The following SYTL5 variants were observed in gnomAD, a reference collection of about 807,000 sequenced individuals.
SYTL5 encodes the protein synaptotagmin like 5.
Under a neutral mutation model 55.9 loss-of-function variants are expected in SYTL5, and 34 were observed. The ratio of observed to expected loss-of-function variants is 0.61; its 90% CI spans 0.46 to 0.81. The LOEUF (loss-of-function observed/expected upper bound fraction) is 0.81, where lower values mean the gene tolerates loss of function less well. Among genes scored for constraint, SYTL5 ranks in the 30% least tolerant of loss-of-function variants. The pLI, the probability that SYTL5 is intolerant of heterozygous loss-of-function variation, is 0.00. For missense variants in SYTL5, 637 were observed against 546.7 expected, an observed-to-expected ratio of 1.17 and a Z score of -1.65; for synonymous variants, 221 against 188.7, an observed-to-expected ratio of 1.17 and a Z score of -1.40.
the SYTL5 span, among the ~76,000 whole-genome samples, chrX:37,997,433 C>T: frequency 8.9e-6 from 1 of 112,450 alleles, no homozygotes; most frequent in African/African-American, 3.2e-5. Context: ...GCATCCCTAC[C>T]CTCTTGGAAA....
intron 2 of SYTL5, among the ~76,000 whole-genome samples, chrX:38,044,862 A>G (rs1301145960): frequency 8.9e-6 from 1 of 111,944 alleles, no homozygotes; most frequent in Non-Finnish European, 1.9e-5. Flanking sequence ...TTATTTTAAG[A>G]TAGTTCCATG....
intron 2 of SYTL5, 134 bp from the exon 3 acceptor site, chrX:38,054,079 C>T (rs753656939): frequency 5.9e-5 from 28 of 471,766 alleles, no homozygotes; most frequent in Non-Finnish European, 1.0e-4. Flanking sequence ...AGTGAGATTG[C>T]ATGGTGGTCC....
intron 8 of SYTL5, among the ~76,000 whole-genome samples, 167 bp from the exon 9 acceptor site, chrX:38,095,967 A>G (rs749860938): frequency 8.9e-6 from 1 of 111,836 alleles, no homozygotes; most frequent in East Asian, 2.8e-4. Flanking sequence ...GAAGTATGTT[A>G]TCATAAACAG....
the SYTL5 span, among the ~76,000 whole-genome samples, chrX:37,918,636 G>A: frequency 2.7e-5 from 3 of 111,720 alleles, no homozygotes; most frequent in Admixed American, 2.9e-4. Context: ...TCTGGGAGAG[G>A]CAGAGAACGT....
At chrX:38,031,912 T>C (rs1044275321) in intron 1 of SYTL5, among the ~76,000 whole-genome samples, 2 of 112,355 alleles carry the variant, frequency 1.8e-5, no homozygotes, top group African/African-American at 6.5e-5. Flanking sequence ...CCAGAGAATA[T>C]GCACTAACCT....
intron 6 of SYTL5, among the ~76,000 whole-genome samples, chrX:38,077,638 G>T (rs752774974): frequency 1.7e-4 from 18 of 109,064 alleles, no homozygotes; most frequent in Non-Finnish European, 5.7e-5. Flanking sequence ...GCATGCAAGC[G>T]TTACTTTATG....
intron 6 of SYTL5, among the ~76,000 whole-genome samples, chrX:38,079,593 C>A (rs1254053897): frequency 8.9e-6 from 1 of 112,362 alleles, no homozygotes; most frequent in Non-Finnish European, 1.9e-5. Context: ...TTAAGTCATG[C>A]TCTCCCAGAA....
chrX:38,120,518 T>C (rs1438666761), intron 14 of SYTL5, 52 bp downstream of exon 14: 1 of 928,046 alleles, frequency 1.1e-6, no homozygotes, highest in Non-Finnish European at 1.6e-6. Flanking sequence ...TCTAGAAGTG[T>C]GGTAGTGGGA....
At chrX:38,065,761 T>C (rs1015915128) in intron 3 of SYTL5, among the ~76,000 whole-genome samples, 3 of 111,944 alleles carry the variant, frequency 2.7e-5, no homozygotes, top group Non-Finnish European at 5.6e-5. Flanking sequence ...CTCTGTATTC[T>C]TAGCCTTAGC....
At chrX:37,974,539 G>C in the SYTL5 span, among the ~76,000 whole-genome samples, 1 of 111,732 alleles carries the variant, frequency 8.9e-6, no homozygotes, top group Non-Finnish European at 1.9e-5. Context: ...TGTACTAAAG[G>C]CCACAGAATT....
At chrX:37,920,495 T>A in the SYTL5 span, among the ~76,000 whole-genome samples, 2 of 110,675 alleles carry the variant, frequency 1.8e-5, no homozygotes, top group Non-Finnish European at 3.8e-5. Context: ...TCATATACAT[T>A]TCTATATTTT....
At chrX:37,952,612 T>A in the SYTL5 span, among the ~76,000 whole-genome samples, 2 of 110,878 alleles carry the variant, frequency 1.8e-5, no homozygotes, top group African/African-American at 6.6e-5. Flanking sequence ...GAGAGGACAC[T>A]AAGAGGATGG....
intron 2 of SYTL5, among the ~76,000 whole-genome samples, 173 bp from the exon 3 acceptor site, chrX:38,054,040 C>T (rs1935698459): frequency 8.9e-6 from 1 of 111,996 alleles, no homozygotes; most frequent in Non-Finnish European, 1.9e-5. Context: ...AAACTAGCGA[C>T]ACCAAATAGG....
chrX:38,018,886 G>A (rs1934448277), intron 1 of SYTL5, among the ~76,000 whole-genome samples: 2 of 111,659 alleles, frequency 1.8e-5, no homozygotes, highest in South Asian at 7.6e-4. Context: ...CACAGCTTTA[G>A]TTCCTAATCT....
chrX:38,126,107 C>T (rs1037720448), intron 16 of SYTL5, among the ~76,000 whole-genome samples: 1 of 111,983 alleles, frequency 8.9e-6, no homozygotes, highest in African/African-American at 3.3e-5. Context: ...TATCCCATAG[C>T]CTAAGCCAGA....
At chrX:37,905,863 G>A in the SYTL5 span, among the ~76,000 whole-genome samples, 1 of 113,129 alleles carries the variant, frequency 8.8e-6, no homozygotes, top group East Asian at 2.8e-4. Flanking sequence ...CGACTCTGGC[G>A]CCGCCGCCTG....
chrX:37,983,378 G>C, the SYTL5 span, among the ~76,000 whole-genome samples: 27 of 111,834 alleles, frequency 2.4e-4, no homozygotes, highest in African/African-American at 8.7e-4. Flanking sequence ...AGCTGGAGTG[G>C]CTATATTAAT....
the SYTL5 span, among the ~76,000 whole-genome samples, chrX:37,975,291 G>A: frequency 8.9e-6 from 1 of 111,760 alleles, no homozygotes; most frequent in Non-Finnish European, 1.9e-5. Flanking sequence ...AGCTTTCCAC[G>A]ACTTCCAGTC....
At chrX:38,094,226 T>A (rs1296698274) in intron 7 of SYTL5, 69 bp from the exon 8 acceptor site, 1 of 1,000,083 alleles carries the variant, frequency 1.0e-6, no homozygotes, top group East Asian at 3.2e-5. Flanking sequence ...TGAAGTATAT[T>A]TATGTAGATG....
Sources: allele counts gnomAD v4.1 joint callset (sites outside exome capture counted in the v4.1 genomes callset), GRCh38; gene constraint gnomAD v4.1.1; transcripts MANE v1.5; gene names NCBI Gene and HGNC (gene_info 2026-07-23, HGNC 2026-07-21).